The following RASGRF2 variants were observed in gnomAD, a reference collection of about 807,000 sequenced individuals.
The protein encoded by RASGRF2 is Ras protein specific guanine nucleotide releasing factor 2, also known as ras-specific guanine nucleotide-releasing factor 2.
A neutral mutation model predicts 151.0 loss-of-function variants in RASGRF2; 76 were observed. The observed-to-expected ratio is 0.50, with a 90% confidence interval of 0.42 to 0.61. RASGRF2 has a LOEUF of 0.61. Ranked by LOEUF, RASGRF2 falls within the 20% of genes least tolerant of loss-of-function variation. The pLI is 0.00. For synonymous variants in RASGRF2, 504 were observed against 566.5 expected (o/e 0.89, Z 1.57); for missense variants, 1,148 against 1,564.6 (o/e 0.73, Z 4.49).
intron 5 of RASGRF2, among the ~76,000 whole-genome samples, chr5:81,074,365 G>T (rs1751873835): frequency 6.6e-6 from 1 of 152,164 alleles, no homozygotes; most frequent in Admixed American, 6.5e-5. Flanking sequence ...GTTTTACTTA[G>T]AATTTTAGCT....
intron 1 of RASGRF2, among the ~76,000 whole-genome samples, chr5:81,028,390 A>G (rs1327205308): frequency 2.0e-5 from 3 of 151,316 alleles, no homozygotes; most frequent in Non-Finnish European, 4.4e-5. Context: ...AATTGTTTGT[A>G]TTTCTGATGT....
chr5:81,155,419 TAAG>T (rs1288073565), intron 17 of RASGRF2, among the ~76,000 whole-genome samples: 1 of 152,048 alleles, frequency 6.6e-6, no homozygotes. Context: ...AAGTGCTGCT[TAAG>T]AAGATCAACA....
At chr5:81,073,876 C>A (rs1169723617) in intron 5 of RASGRF2, among the ~76,000 whole-genome samples, 4 of 152,322 alleles carry the variant, frequency 2.6e-5, no homozygotes, top group African/African-American at 9.6e-5. Context: ...CTTGGCCTCC[C>A]AAAGTGCTGA....
At chr5:81,094,459 T>G in intron 11 of RASGRF2, 97 bp downstream of exon 11, 1 of 1,235,652 alleles carries the variant, frequency 8.1e-7, no homozygotes, top group Admixed American at 2.2e-5. Flanking sequence ...TATGAAAAAT[T>G]GAACCATTTA....
At chr5:80,973,859 A>G (rs966913016) in intron 1 of RASGRF2, among the ~76,000 whole-genome samples, 9 of 152,282 alleles carry the variant, frequency 5.9e-5, no homozygotes, top group Admixed American at 5.2e-4. Flanking sequence ...TTCATTGTTG[A>G]GTATATAGAT....
chr5:81,053,680 A>G (rs569140547), intron 2 of RASGRF2, among the ~76,000 whole-genome samples: 1 of 152,322 alleles, frequency 6.6e-6, no homozygotes, highest in South Asian at 2.1e-4. Flanking sequence ...TTCTAGTTCT[A>G]GATCCCTGAG....
chr5:80,972,154 A>G (rs1002181990), intron 1 of RASGRF2, among the ~76,000 whole-genome samples: 1 of 152,176 alleles, frequency 6.6e-6, no homozygotes, highest in Non-Finnish European at 1.5e-5. Context: ...AGTCTTGTAC[A>G]AGCCTTTTGG....
At chr5:80,978,081 G>A (rs555873075) in intron 1 of RASGRF2, among the ~76,000 whole-genome samples, 32 of 152,212 alleles carry the variant, frequency 2.1e-4, no homozygotes, top group African/African-American at 7.0e-4. Flanking sequence ...TTTCTGGTAC[G>A]TAAATCCTTC....
At position 81,034,812 on chromosome 5, in the gene RASGRF2, G is replaced by GA. The variant is rs916587312; in HGVS notation, c.289-8065_289-8064insA. 8.8e-4 allele frequency among the ~76,000 whole-genome samples: 116 copies of GA among 131,208 alleles called. 9 individuals carry two copies. Among genetic ancestry groups the GA allele is most frequent in the African/African-American group, 2.9e-3 (98 of 33,944 alleles). 86.1% of individuals were successfully genotyped at this position (131,208 alleles called of 152,430 possible). A position where few individuals can be genotyped will look rare whatever the true frequency, so the allele number is the denominator to read the frequency against. ...TGGGGACTGTTGTGGGGTGGGAGGG[G>GA]GGTAGGGATAGCATTGGGAGATATA... On this transcript the variant is annotated intron_variant, in intron 1 of 26. Transcript: ENST00000265080.
Position 81,127,083 on chromosome 5 carries a change from C to T in RASGRF2, c.2606C>T (p.Ala869Val), listed in dbSNP as rs1272379420. ...CTTTTCAAATAACCAGGACAGACGG[C>T]GGACAATGCCCACTGCTCTGTTTCA... Reference protein sequence around the residue: ...LRYRQPGGQTADNAHCSVSPA... With the variant: ...LRYRQPGGQTVDNAHCSVSPA... Residue 869 changes from alanine to valine, a missense_variant, in exon 17 of 27, where the codon GCG becomes GTG. Around this residue, in one of 5 missense-constraint regions of RASGRF2, gnomAD observed 646 missense variants for 807.4 expected, o/e 0.80. Coordinates refer to ENST00000265080, the MANE Select transcript of RASGRF2 (RefSeq NM_006909.3). 23 of 1,613,988 alleles carry T rather than the reference C, an allele frequency of 1.4e-5. No individual in the cohort carries two copies. Among genetic ancestry groups the T allele is most frequent in the Non-Finnish European group, 1.8e-5 (21 of 1,179,924 alleles).
intron 22 of RASGRF2, among the ~76,000 whole-genome samples, chr5:81,210,714 C>T (rs1048646802): frequency 6.6e-6 from 1 of 152,156 alleles, no homozygotes; most frequent in African/African-American, 2.4e-5. Flanking sequence ...GATATGGTCC[C>T]AACCTGTCAT....
intron 1 of RASGRF2, among the ~76,000 whole-genome samples, chr5:80,999,593 G>A (rs1452114512): frequency 2.0e-5 from 3 of 152,094 alleles, no homozygotes; most frequent in East Asian, 3.9e-4. Flanking sequence ...TTCTGGGCTC[G>A]AGCAATCCTC....
intron 1 of RASGRF2, among the ~76,000 whole-genome samples, chr5:80,990,232 TA>T (rs1339727696): frequency 4.4e-4 from 67 of 150,798 alleles, no homozygotes; most frequent in African/African-American, 1.6e-3. Context: ...TTTTTTTTTT[TA>T]TTTTCTTTTT....
chr5:81,175,691 G>T (rs1009791953), intron 17 of RASGRF2, among the ~76,000 whole-genome samples: 2 of 150,614 alleles, frequency 1.3e-5, no homozygotes, highest in Non-Finnish European at 2.9e-5. Flanking sequence ...GGAGGTGGAG[G>T]TTGCAGTGAG....
intron 1 of RASGRF2, among the ~76,000 whole-genome samples, chr5:81,028,193 A>G (rs1750103437): frequency 6.6e-6 from 1 of 152,066 alleles, no homozygotes; most frequent in African/African-American, 2.4e-5. Context: ...GAAAGACATC[A>G]GAAATGCAAA....
intron 1 of RASGRF2, 26 bp downstream of exon 1, chr5:80,961,052 C>T (rs1329687168): frequency 1.4e-6 from 2 of 1,425,820 alleles, no homozygotes; most frequent in African/African-American, 1.4e-5. Context: ...TCTCCGCGGT[C>T]TCCCAGCCTT....
intron 19 of RASGRF2, among the ~76,000 whole-genome samples, chr5:81,203,025 A>T (rs1755431931): frequency 6.6e-6 from 1 of 152,222 alleles, no homozygotes; most frequent in African/African-American, 2.4e-5. Flanking sequence ...GGAAACAGTT[A>T]GGGGCCTTCT....
At chr5:81,015,575 T>C (rs1184776523) in intron 1 of RASGRF2, among the ~76,000 whole-genome samples, 1 of 152,202 alleles carries the variant, frequency 6.6e-6, no homozygotes, top group Non-Finnish European at 1.5e-5. Flanking sequence ...GGCATGTGAA[T>C]ATTCTGTTCC....
intron 17 of RASGRF2, among the ~76,000 whole-genome samples, chr5:81,156,285 G>T (rs1185737192): frequency 2.0e-5 from 3 of 152,110 alleles, no homozygotes; most frequent in Non-Finnish European, 4.4e-5. Context: ...AATGTTTAAA[G>T]AATAAATAAT....
Sources: allele counts gnomAD v4.1 joint callset (sites outside exome capture counted in the v4.1 genomes callset), GRCh38; gene constraint gnomAD v4.1.1; regional missense constraint gnomAD v4.1.1; transcripts MANE v1.5; gene names NCBI Gene and HGNC (gene_info 2026-07-23, HGNC 2026-07-21).